The following MUC6 variants were observed in gnomAD, a reference collection of about 807,000 sequenced individuals.
MUC6 encodes mucin-6.
A neutral mutation model predicts 201.5 loss-of-function variants in MUC6; 188 were observed. That is an observed-to-expected ratio of 0.93 (90% CI 0.83 to 1.05). The LOEUF is 1.05. MUC6 is among the 50% of genes least tolerant of loss of function. The probability of loss-of-function intolerance (pLI) is 0.00; values close to 1 mark genes in which losing one functional copy is unlikely to be tolerated. For synonymous variants in MUC6, 1,228 were observed against 1,389.4 expected (o/e 0.88, Z 2.58); for missense variants, 2,706 against 3,256.9 (o/e 0.83, Z 4.12).
rs201308190 is a variant in MUC6, at chr11:1,028,076, C to T, written c.1754-17G>A. 20 of 1,558,386 alleles carry T rather than the reference C, an allele frequency of 1.3e-5. No individual in the cohort carries two copies. Among genetic ancestry groups the T allele is most frequent in the Admixed American group, 5.7e-5 (3 of 52,310 alleles). On this transcript the variant is annotated splice_polypyrimidine_tract_variant and intron_variant, in intron 14 of 32. Coordinates refer to ENST00000421673, the MANE Select transcript of MUC6 (RefSeq NM_005961.3). ...CACACACCTCTGGGGATGACAGGCC[C>T]GGGCGTGAGTCCCGGCCCCTCCCAT...
intron 3 of MUC6, 24 bp downstream of exon 3, chr11:1,031,789 C>G (rs779514967): frequency 6.4e-7 from 1 of 1,567,004 alleles, no homozygotes; most frequent in Non-Finnish European, 8.6e-7. Flanking sequence ...CCCGAGCCCC[C>G]GGGCCCCGGC....
chr11:1,028,325 C>G lies in MUC6; in HGVS notation c.1654G>C (p.Glu552Gln). The G allele has an allele frequency of 1.2e-6, 2 of 1,612,408 alleles. No homozygotes were observed. Among genetic ancestry groups the G allele is most frequent in the Non-Finnish European group, 1.7e-6 (2 of 1,179,774 alleles). Residue 552 changes from glutamate (E) to glutamine (Q), a missense_variant, in exon 14 of 33, where the codon GAG (glutamate) becomes CAG (glutamine). Around this residue, in one of 10 missense-constraint regions of MUC6, gnomAD observed 1,850 missense variants for 1,958.3 expected, o/e 0.94. Transcript: ENST00000421673. ...DDFTTSMGIA[E>Q]GTASLFVDSW... ...TCCACAAACAGCGAGGCGGTGCCCT[C>G]GGCGATACCCATGCTAGTGGTGAAG... is the stretch of plus-strand genomic sequence containing the variant.
chr11:1,013,740 T>C (rs1465370769), intron 32 of MUC6, 107 bp from the exon 33 acceptor site: 79 of 1,413,262 alleles, frequency 5.6e-5, no homozygotes, highest in Non-Finnish European at 7.4e-5. Context: ...CCCGCTGAGC[T>C]CCCGGCTCAC....
chr11:1,032,286 TGTG>T lies in MUC6; in HGVS notation c.116-236_116-234del, dbSNP rs930003617. Among the ~76,000 whole-genome samples the T allele has an allele frequency of 5.9e-5, 9 of 152,152 alleles. 1 individual carries two copies. The South Asian group carries it at 1.9e-3, about 32-fold the overall frequency. On this transcript the variant is annotated intron_variant, in intron 2 of 32. Coordinates refer to ENST00000421673, the MANE Select transcript of MUC6 (RefSeq NM_005961.3). ...TGTGTGTGGGTACACGTATGTGTGT[TGTG>T]TGTGTGCACGTGTGTGCACGTATGT...
At position 1,013,955 on chromosome 11, in the gene MUC6, C is replaced by A; in HGVS notation, c.7086G>T (p.Gly2362=). The A allele has an allele frequency of 6.2e-7, 1 of 1,609,582 alleles. No homozygotes were observed. Among genetic ancestry groups the A allele is most frequent in the East Asian group, 2.2e-5 (1 of 44,778 alleles). ...GGGTTACCGTCACGTTCGCCATGCACCCCTTGAACGTGATCTCCTCCTGCT... is the reference window on the plus strand; with the variant it reads ...GGGTTACCGTCACGTTCGCCATGCAACCCTTGAACGTGATCTCCTCCTGCT... The part of the protein sequence containing the change: ...REQQEEITFK[G]CMANVTVTRC... The change falls in exon 32 of 33, where the codon GGG becomes GGT. Residue 2362 remains glycine (G), a synonymous_variant. Transcript: ENST00000421673.
chr11:1,027,650 G>T, intron 16 of MUC6, 35 bp downstream of exon 16: 1 of 1,580,434 alleles, frequency 6.3e-7, no homozygotes, highest in Non-Finnish European at 8.6e-7. Context: ...AGCCCAGCCT[G>T]CCGTGACCCC....
Position 1,030,236 on chromosome 11 carries a change from G to A in MUC6, c.992C>T (p.Thr331Ile), listed in dbSNP as rs1261624479. 4.5e-6 allele frequency: 7 copies of A among 1,551,732 alleles called. No homozygotes were observed. In the South Asian group the frequency reaches 7.1e-5, roughly 16 times the overall value. Residue 331 changes from threonine (T) to isoleucine (I), a missense_variant, in exon 8 of 33, where the codon ACC (threonine) becomes ATC (isoleucine). Around this residue, in one of 10 missense-constraint regions of MUC6, gnomAD observed 1,850 missense variants for 1,958.3 expected, o/e 0.94. Transcript: ENST00000421673. ...ACCTTCCGGGCAGAAGCACCCGAAG[G>A]TGCAGGAGCTGGAGCAGCTGTGCTG... ...NPQHSCSSSC[T>I]FGCFCPEGTV...
At chr11:1,013,742 C>T (rs1160579657) in intron 32 of MUC6, 109 bp from the exon 33 acceptor site, 13 of 1,412,082 alleles carry the variant, frequency 9.2e-6, no homozygotes, top group Non-Finnish European at 1.3e-5. Flanking sequence ...CGCTGAGCTC[C>T]CGGCTCACAG....
At chr11:1,024,329 C>T (rs747325044) in intron 24 of MUC6, among the ~76,000 whole-genome samples, 15 of 152,226 alleles carry the variant, frequency 9.9e-5, no homozygotes, top group Non-Finnish European at 1.3e-4. Flanking sequence ...GACCCGCCAT[C>T]GGGACCAAGA....
Position 1,036,595 on chromosome 11 carries a change from C to G in MUC6, c.52+9G>C, listed in dbSNP as rs1326601165. 6.5e-7 allele frequency: 1 copy of G among 1,548,894 alleles called. No homozygotes were observed. The highest frequency in any genetic ancestry group is 8.7e-7 in the Non-Finnish European group (1 of 1,146,370). Reference sequence around the variant, plus strand: ...ACCGCAGTGTCTGGCGCCCCTCGACCTCACTCACCAGCGCTGAGCAGGGCT... The same window carrying G: ...ACCGCAGTGTCTGGCGCCCCTCGACGTCACTCACCAGCGCTGAGCAGGGCT... On this transcript the variant is annotated intron_variant, in intron 1 of 32. Coordinates refer to ENST00000421673, the MANE Select transcript of MUC6 (RefSeq NM_005961.3).
chr11:1,029,143 T>C lies in MUC6; in HGVS notation c.1283A>G (p.Gln428Arg). ...TCTYILLQSP[Q>R]LPEDGALMAV... ...CATGAGGGCACCGTCCTCGGGAAGCTGGGGGCTCTGCGAGGGGGCGGGGCT... is the reference window on the plus strand; with the variant it reads ...CATGAGGGCACCGTCCTCGGGAAGCCGGGGGCTCTGCGAGGGGGCGGGGCT... The change falls in exon 11 of 33, where the codon CAG (glutamine) becomes CGG (arginine). Residue 428 changes from glutamine to arginine, a missense_variant. Gln to Arg is a conservative substitution (Grantham distance 43). Transcript: ENST00000421673. 1 of 1,611,092 alleles carries C rather than the reference T, an allele frequency of 6.2e-7. No individual in the cohort carries two copies. Among genetic ancestry groups the C allele is most frequent in the Non-Finnish European group, 8.5e-7 (1 of 1,179,260 alleles).
At position 1,018,554 on chromosome 11, in the gene MUC6, A is replaced by C. The variant is rs1856734654; in HGVS notation, c.4247T>G (p.Val1416Gly). Residue 1416 changes from valine to glycine, a missense_variant, in exon 31 of 33, where the codon GTC (valine) becomes GGC (glycine). Physicochemically the swap from Val to Gly is moderately radical, Grantham distance 109. This residue lies in a region of MUC6 where 128 missense variants were observed against 206.5 expected (regional missense o/e 0.62). Transcript: ENST00000421673. The part of the protein sequence containing the change: ...THSPPTAGSP[V>G]PSTGPVTATS... The stretch of plus-strand genomic sequence containing the variant: ...TGCAGTGACAGGACCTGTGGAAGGG[A>C]CGGGACTCCCCGCCGTAGGCGGGGA... 16 of 1,613,048 alleles carry C rather than the reference A, an allele frequency of 9.9e-6. No homozygotes were observed. Among genetic ancestry groups the C allele is most frequent in the Non-Finnish European group, 1.4e-5 (16 of 1,179,548 alleles).
intron 28 of MUC6, 88 bp from the exon 29 acceptor site, chr11:1,020,345 C>A: frequency 6.7e-7 from 1 of 1,485,754 alleles, no homozygotes. Context: ...GCCCTGAAGC[C>A]GGGCAGCCCT....
chr11:1,025,010 A>G lies in MUC6; in HGVS notation c.3059T>C (p.Val1020Ala), dbSNP rs556575726. ...CACCAACTCCAGCTCGCTGGATGCCACGTACCTGCTGCGCGTCTCGAAGTC... is the reference window on the plus strand; with the variant it reads ...CACCAACTCCAGCTCGCTGGATGCCGCGTACCTGCTGCGCGTCTCGAAGTC... The part of the protein sequence containing the change: ...KDDFETRSRY[V>A]ASSELELVNS... The change falls in exon 24 of 33, where the codon GTG (valine) becomes GCG (alanine). Residue 1020 changes from valine to alanine, a missense_variant. Transcript: ENST00000421673. 1 of 1,613,134 alleles carries G rather than the reference A, an allele frequency of 6.2e-7. No individual in the cohort carries two copies. The highest frequency in any genetic ancestry group is 1.3e-5 in the African/African-American group (1 of 75,070).
intron 22 of MUC6, 132 bp from the exon 23 acceptor site, chr11:1,025,499 GC>G: frequency 9.0e-7 from 1 of 1,110,174 alleles, no homozygotes; most frequent in Non-Finnish European, 1.3e-6. Context: ...CCTGCTGAGA[GC>G]CAGCTTGGGG....
chr11:1,024,892 G>C lies in MUC6; in HGVS notation c.3177C>G (p.Arg1059=). ...LNAFRRSWAE[R]KCSVINSQTF... ...TCTGGCTGTTGATGACGCTGCACTT[G>C]CGCTCGGCCCAGGAGCGCCGGAAGG... Residue 1059 remains arginine (R), a synonymous_variant, in exon 24 of 33, where the codon CGC becomes CGG. Transcript: ENST00000421673. 6.2e-7 allele frequency: 1 copy of C among 1,612,676 alleles called. No homozygotes were observed.
At chr11:1,032,131 C>A in intron 2 of MUC6, 78 bp from the exon 3 acceptor site, 1 of 1,552,950 alleles carries the variant, frequency 6.4e-7, no homozygotes. Flanking sequence ...GCAGAGAGGT[C>A]ACTCGTCTCC....
Position 1,016,191 on chromosome 11 carries a change from C to T in MUC6, c.6610G>A (p.Ala2204Thr), listed in dbSNP as rs755989403. The change falls in exon 31 of 33, where the codon GCC becomes ACC. Residue 2204 changes from alanine to threonine, a missense_variant. Transcript: ENST00000421673. ...ASPLFPSSPA[A>T]STTIRATLPH... ...AGAGTGGCCCTAATGGTAGTAGAGG[C>T]AGCTGGAGAAGAAGGAAAAAGAGGA... is the stretch of plus-strand genomic sequence containing the variant. 4 of 1,613,154 alleles carry T rather than the reference C, an allele frequency of 2.5e-6. No individual in the cohort carries two copies. Among genetic ancestry groups the T allele is most frequent in the Non-Finnish European group, 2.5e-6 (3 of 1,179,688 alleles).
Position 1,018,475 on chromosome 11 carries a change from TGTG to T in MUC6, c.4323_4325del (p.Thr1442del), listed in dbSNP as rs753122107. ...AGAAAGGTGGAACGTGAGTGGGAAGTGTGGTCTCAGGGTGTGATGGGGTTGGAT... is the reference window on the plus strand; with the variant it reads ...AGAAAGGTGGAACGTGAGTGGGAAGTGTCTCAGGGTGTGATGGGGTTGGAT... On this transcript the variant is annotated inframe_deletion, in exon 31 of 33. Transcript: ENST00000421673. 6.2e-7 allele frequency: 1 copy of T among 1,606,116 alleles called. No individual in the cohort carries two copies. Among genetic ancestry groups the T allele is most frequent in the Non-Finnish European group, 8.5e-7 (1 of 1,176,518 alleles).
Sources: gnomAD v4.1 joint callset for allele counts (sites outside exome capture counted in the v4.1 genomes callset) on GRCh38, gnomAD v4.1.1 for gene constraint, gnomAD v4.1.1 regional missense constraint, MANE v1.5 for transcripts, NCBI Gene and HGNC (gene_info 2026-07-23, HGNC 2026-07-21) for gene names.